TOX: variants seen among roughly 807,000 people sequenced by gnomAD.
TOX encodes the protein thymocyte selection associated high mobility group box.
TOX carries 11 observed loss-of-function variants against 53.7 expected under a neutral mutation model. The ratio of observed to expected loss-of-function variants is 0.20; its 90% confidence interval spans 0.13 to 0.34. The LOEUF (loss-of-function observed/expected upper bound fraction) is 0.34, where lower values mean the gene tolerates loss of function less well. Among genes scored for constraint, TOX ranks in the 10% least tolerant of loss-of-function variants. The pLI, the probability that TOX is intolerant of heterozygous loss-of-function variation, is 1.00. For missense variants in TOX, 570 were observed against 664.6 expected (o/e 0.86, Z 1.56); for synonymous variants, 225 against 245.3 (o/e 0.92, Z 0.77).
intron 3 of TOX, among the ~76,000 whole-genome samples, chr8:58,928,931 C>G (rs1346335797): frequency 6.6e-6 from 1 of 152,092 alleles, no homozygotes; most frequent in East Asian, 1.9e-4. Flanking sequence ...GATATGTTTA[C>G]AGGGTTGGAT....
rs151210218 is a variant in TOX at position 58,881,974 on chromosome 8, G to A, written c.412-30169C>T. Among the ~76,000 whole-genome samples the A allele has an allele frequency of 4.5e-3, 678 of 152,230 alleles. 6 individuals are homozygous for A. The highest frequency in any genetic ancestry group is 0.016 in the African/African-American group (646 of 41,518). ...CTTGCTGCATGTAATTAGCCTTTGC[G>A]GTAACTTTACTACTGCAGTTGCCTT... On this transcript the variant is annotated intron_variant, in intron 3 of 8. Coordinates refer to ENST00000361421, the MANE Select transcript of TOX (RefSeq NM_014729.3).
chr8:58,905,071 T>G (rs1811790457), intron 3 of TOX, among the ~76,000 whole-genome samples: 1 of 152,208 alleles, frequency 6.6e-6, no homozygotes, highest in Non-Finnish European at 1.5e-5. Context: ...TAGCTGGGAC[T>G]ACAGGCGCGC....
At chr8:58,950,767 G>A (rs1238222697) in intron 2 of TOX, among the ~76,000 whole-genome samples, 1 of 152,126 alleles carries the variant, frequency 6.6e-6, no homozygotes, top group Admixed American at 6.6e-5. Flanking sequence ...GAGAACTTGG[G>A]TGGGAAAAGA....
At chr8:58,871,820 T>A (rs1044835762) in intron 3 of TOX, among the ~76,000 whole-genome samples, 13 of 152,166 alleles carry the variant, frequency 8.5e-5, no homozygotes, top group African/African-American at 3.1e-4. Flanking sequence ...TAGCTTAATG[T>A]AGATACATGT....
intron 2 of TOX, among the ~76,000 whole-genome samples, chr8:58,954,696 G>A (rs2129177952): frequency 6.6e-6 from 1 of 152,304 alleles, no homozygotes; most frequent in African/African-American, 2.4e-5. Flanking sequence ...TTGTGTAGCT[G>A]GAAAAGAGGA....
rs1345529252 is a variant in TOX, at chr8:58,816,606, C to T, written c.1006-882G>A. Among the ~76,000 whole-genome samples the T allele has an allele frequency of 2.0e-5, 3 of 152,014 alleles. No individual in the cohort carries two copies. The East Asian group carries it at 5.8e-4, about 29-fold the overall frequency. On this transcript the variant is annotated intron_variant, in intron 6 of 8. Coordinates refer to ENST00000361421, the MANE Select transcript of TOX (RefSeq NM_014729.3). ...AAACAACCAAAGGTAGCAGGTAGAA[C>T]CAACTGGAAGGAAAAAAGTGATAAA...
chr8:58,908,243 A>C (rs1811850981), intron 3 of TOX, among the ~76,000 whole-genome samples: 2 of 152,220 alleles, frequency 1.3e-5, no homozygotes, highest in Admixed American at 1.3e-4. Flanking sequence ...GTACAGTAAT[A>C]GCACAGATGG....
At chr8:58,949,613 T>G (rs1172159773) in intron 2 of TOX, among the ~76,000 whole-genome samples, 1 of 152,122 alleles carries the variant, frequency 6.6e-6, no homozygotes, top group Non-Finnish European at 1.5e-5. Flanking sequence ...AAAAATTAAA[T>G]AGATATTTTT....
rs1364542409 is a variant in TOX at position 58,953,216 on chromosome 8, G to C, written c.168+6727C>G. On this transcript the variant is annotated intron_variant, in intron 2 of 8. Coordinates refer to ENST00000361421, the MANE Select transcript of TOX (RefSeq NM_014729.3). ...GTTGGCCAACAAAATAAGCAGAAAG[G>C]CCAATGTGTGTTTGACTATCCCAAG... Among the ~76,000 whole-genome samples the C allele has an allele frequency of 4.6e-5, 7 of 151,980 alleles. No homozygotes were observed. The South Asian group carries it at 1.2e-3, about 27-fold the overall frequency.
intron 3 of TOX, among the ~76,000 whole-genome samples, chr8:58,892,078 T>C (rs1811569202): frequency 6.6e-6 from 1 of 152,184 alleles, no homozygotes; most frequent in Non-Finnish European, 1.5e-5. Context: ...GTAGAAACCA[T>C]TTCTGAAGAG....
At chr8:58,871,265 T>C (rs1811192546) in intron 3 of TOX, among the ~76,000 whole-genome samples, 1 of 151,770 alleles carries the variant, frequency 6.6e-6, no homozygotes, top group African/African-American at 2.4e-5. Context: ...GGGAAGATGG[T>C]TGAATATAGA....
Position 58,815,571 on chromosome 8 carries a change from C to G in TOX, c.1159G>C (p.Ala387Pro). ...TTCCTGGGGAGACTAGGATGCATGG[C>G]AGTTAGGTGAGGATTCATTCCCGGT... is the stretch of plus-strand genomic sequence containing the variant. ...QQPGMNPHLT[A>P]MHPSLPRNIA... Residue 387 changes from alanine (A) to proline (P), a missense_variant, in exon 7 of 9, where the codon GCC (alanine) becomes CCC (proline). By Grantham distance (27) the Ala-to-Pro change is conservative. Around this residue, in one of 3 missense-constraint regions of TOX, gnomAD observed 239 missense variants for 250.7 expected, o/e 0.95. Coordinates refer to ENST00000361421, the MANE Select transcript of TOX (RefSeq NM_014729.3). 6.2e-7 allele frequency: 1 copy of G among 1,614,044 alleles called. No homozygotes were observed. The highest frequency in any genetic ancestry group is 1.1e-5 in the South Asian group (1 of 91,072).
intron 1 of TOX, among the ~76,000 whole-genome samples, chr8:58,998,519 A>AAAATATAAATT (rs1304925640): frequency 8.3e-6 from 1 of 120,932 alleles, no homozygotes; most frequent in Non-Finnish European, 1.7e-5. Flanking sequence ...ATATATATAT[A>AAAATATAAATT]TATATATATA....
intron 1 of TOX, among the ~76,000 whole-genome samples, chr8:58,994,702 T>C (rs902651257): frequency 6.6e-6 from 1 of 152,220 alleles, no homozygotes; most frequent in Non-Finnish European, 1.5e-5. Flanking sequence ...CTTTCAGAGA[T>C]GGCCTGAAAC....
intron 3 of TOX, among the ~76,000 whole-genome samples, chr8:58,857,680 C>T (rs1402424087): frequency 1.3e-5 from 2 of 152,142 alleles, no homozygotes; most frequent in East Asian, 1.9e-4. Flanking sequence ...AAGAGTGCCA[C>T]GTTGAGGACA....
At chr8:58,952,744 T>G (rs1420280628) in intron 2 of TOX, among the ~76,000 whole-genome samples, 2 of 152,234 alleles carry the variant, frequency 1.3e-5, no homozygotes, top group Admixed American at 6.5e-5. Context: ...TACATTTCCC[T>G]AATACTTGAC....
At chr8:58,899,775 A>G (rs1045961387) in intron 3 of TOX, among the ~76,000 whole-genome samples, 1 of 152,196 alleles carries the variant, frequency 6.6e-6, no homozygotes, top group Non-Finnish European at 1.5e-5. Flanking sequence ...AGGGATATTC[A>G]ACATGAACCA....
At chr8:59,024,458 T>G (rs1814199379) in intron 1 of TOX, among the ~76,000 whole-genome samples, 1 of 152,186 alleles carries the variant, frequency 6.6e-6, no homozygotes, top group Non-Finnish European at 1.5e-5. Context: ...TCAAAGAAAA[T>G]GGCCCCAGGC....
intron 1 of TOX, among the ~76,000 whole-genome samples, chr8:58,977,497 A>G (rs374226401): frequency 1.6e-4 from 24 of 152,340 alleles, no homozygotes; most frequent in East Asian, 9.6e-4. Flanking sequence ...TAGCACTTTT[A>G]ATTTCCTTTA....
Sources: gnomAD v4.1 joint callset for allele counts (sites outside exome capture counted in the v4.1 genomes callset) on GRCh38, gnomAD v4.1.1 for gene constraint, gnomAD v4.1.1 regional missense constraint, MANE v1.5 for transcripts, NCBI Gene and HGNC (gene_info 2026-07-23, HGNC 2026-07-21) for gene names.